TMEM164: variants seen among roughly 807,000 people sequenced by gnomAD.
TMEM164 encodes the protein transmembrane protein 164, also known as RP13-360B22.2.
TMEM164 carries 4 observed loss-of-function variants against 18.8 expected under a neutral mutation model. That is an observed-to-expected ratio of 0.21 (90% CI 0.10 to 0.49). The LOEUF (loss-of-function observed/expected upper bound fraction) is 0.49. Ranked by LOEUF, TMEM164 falls within the 20% of genes least tolerant of loss-of-function variation. TMEM164 has a pLI of 0.98. For missense variants in TMEM164, 108 were observed against 239.9 expected, an observed-to-expected ratio of 0.45 and a Z score of 3.63; for synonymous variants, 86 against 101.7, an observed-to-expected ratio of 0.85 and a Z score of 0.93.
At chrX:110,135,874 TC>T (rs1348444692) in intron 4 of TMEM164, among the ~76,000 whole-genome samples, 1 of 111,974 alleles carries the variant, frequency 8.9e-6, no homozygotes, top group Non-Finnish European at 1.9e-5. Flanking sequence ...AGCCTGCAGC[TC>T]CTAAGACTAA....
chrX:110,142,420 G>T (rs1264564771), intron 4 of TMEM164, among the ~76,000 whole-genome samples: 1 of 112,004 alleles, frequency 8.9e-6, no homozygotes, highest in Non-Finnish European at 1.9e-5. Flanking sequence ...GAGTGTGCTG[G>T]CTAAGACTAT....
chrX:110,032,642 A>G (rs1005879768), intron 2 of TMEM164, among the ~76,000 whole-genome samples: 6 of 112,012 alleles, frequency 5.4e-5, no homozygotes, highest in African/African-American at 2.0e-4. Flanking sequence ...CCTCAAATAC[A>G]GTAAAGTGGA....
At chrX:110,055,337 C>G (rs1235056990) in intron 2 of TMEM164, 1 of 383,710 alleles carries the variant, frequency 2.6e-6, no homozygotes, top group Non-Finnish European at 5.2e-6. Flanking sequence ...CCACGAATGG[C>G]TATGCACTGC....
At chrX:110,066,419 A>G (rs1936343645) in intron 2 of TMEM164, among the ~76,000 whole-genome samples, 2 of 111,517 alleles carry the variant, frequency 1.8e-5, no homozygotes, top group African/African-American at 6.5e-5. Context: ...AATGTTTTTG[A>G]CTCCTGTAGT....
At chrX:110,065,621 G>A (rs942655850) in intron 2 of TMEM164, 1 of 111,384 alleles carries the variant, frequency 9.0e-6, no homozygotes, top group Non-Finnish European at 1.9e-5. Context: ...GGGATAAGTC[G>A]ATGTTTGGAT....
chrX:110,093,573 C>T (rs1011645055), intron 3 of TMEM164, among the ~76,000 whole-genome samples: 1 of 111,764 alleles, frequency 8.9e-6, no homozygotes, highest in Admixed American at 9.5e-5. Flanking sequence ...TGATTCTTCT[C>T]TCTTTTCTTC....
At chrX:110,130,681 CT>C (rs752247755) in intron 4 of TMEM164, among the ~76,000 whole-genome samples, 1,086 of 96,025 alleles carry the variant, frequency 0.011, 7 homozygotes, top group African/African-American at 0.029. Context: ...ACCTCTGTAT[CT>C]TTTTTTTTTT....
intron 2 of TMEM164, among the ~76,000 whole-genome samples, chrX:110,011,066 G>A (rs775522488): frequency 1.8e-5 from 2 of 111,492 alleles, no homozygotes; most frequent in Admixed American, 1.9e-4. Flanking sequence ...TCTTTCTTGC[G>A]TTCACTCAAC....
At chrX:110,052,948 T>C (rs1309190644) in intron 2 of TMEM164, among the ~76,000 whole-genome samples, 1 of 110,133 alleles carries the variant, frequency 9.1e-6, no homozygotes, top group Non-Finnish European at 1.9e-5. Context: ...AGACGGGGTT[T>C]CACCATGTTG....
At chrX:110,080,177 T>C (rs949758295) in intron 3 of TMEM164, among the ~76,000 whole-genome samples, 1 of 111,338 alleles carries the variant, frequency 9.0e-6, no homozygotes, top group Non-Finnish European at 1.9e-5. Context: ...TGGTGTCTTA[T>C]CCTTCTTAGT....
At chrX:110,103,004 A>G (rs2066134760) in intron 3 of TMEM164, among the ~76,000 whole-genome samples, 1 of 112,669 alleles carries the variant, frequency 8.9e-6, no homozygotes, top group African/African-American at 3.2e-5. Context: ...GTGGAACTAA[A>G]TTCAACAAAA....
chrX:110,177,928 T>G (rs1182429695), downstream of TMEM164: 1 of 112,358 alleles, frequency 8.9e-6, no homozygotes, highest in Non-Finnish European at 1.9e-5. Context: ...ACTTTTGTCC[T>G]GGGAGCTGCG....
chrX:110,037,889 T>C (rs1934887527), intron 2 of TMEM164, among the ~76,000 whole-genome samples: 1 of 112,381 alleles, frequency 8.9e-6, no homozygotes, highest in South Asian at 3.6e-4. Flanking sequence ...CTCCGTCCTT[T>C]ATTAGATTGC....
intron 2 of TMEM164, among the ~76,000 whole-genome samples, chrX:110,062,329 C>T (rs1367658658): frequency 3.6e-5 from 4 of 112,020 alleles, no homozygotes; most frequent in African/African-American, 1.3e-4. Flanking sequence ...AATAGTTTAA[C>T]ATTTCTGGTA....
At chrX:110,086,630 ATATATG>A (rs1158528176) in intron 3 of TMEM164, among the ~76,000 whole-genome samples, 6 of 45,575 alleles carry the variant, frequency 1.3e-4, no homozygotes, top group African/African-American at 1.8e-4. Context: ...GTATATATGT[ATATATG>A]TGTATATATA....
chrX:110,058,592 T>C (rs1602546885), intron 2 of TMEM164, among the ~76,000 whole-genome samples: 2 of 95,376 alleles, frequency 2.1e-5, no homozygotes, highest in Non-Finnish European at 4.2e-5. Context: ...TCCCCTCCCC[T>C]CCCCTCCCCT....
At chrX:110,149,858 A>T (rs752336345) in intron 5 of TMEM164, among the ~76,000 whole-genome samples, 2 of 111,498 alleles carry the variant, frequency 1.8e-5, no homozygotes, top group East Asian at 5.6e-4. Flanking sequence ...GCAGCATCCA[A>T]TCACCCCAGC....
chrX:110,044,593 C>CTTTTTTTT (rs56400284), intron 2 of TMEM164, among the ~76,000 whole-genome samples: 5 of 35,956 alleles, frequency 1.4e-4, no homozygotes, highest in African/African-American at 2.3e-4. Context: ...CCATTCCTTG[C>CTTTTTTTT]TTTTTTTTTT....
intron 2 of TMEM164, among the ~76,000 whole-genome samples, chrX:110,034,443 T>G (rs1187429590): frequency 1.8e-5 from 2 of 112,661 alleles, no homozygotes; most frequent in Non-Finnish European, 3.7e-5. Flanking sequence ...GTTTTAGGCT[T>G]TGTGAACCAT....
Sources: allele counts gnomAD v4.1 joint callset (sites outside exome capture counted in the v4.1 genomes callset), GRCh38; gene constraint gnomAD v4.1.1; transcripts MANE v1.5; gene names NCBI Gene and HGNC (gene_info 2026-07-23, HGNC 2026-07-21).